LSR: variants seen among roughly 807,000 people sequenced by gnomAD.
The protein encoded by LSR is lipolysis-stimulated lipoprotein receptor.
A neutral mutation model predicts 61.8 loss-of-function variants in LSR; 44 were observed. The observed-to-expected ratio is 0.71, with a 90% CI of 0.56 to 0.91. LSR has a LOEUF of 0.91. Among genes scored for constraint, LSR ranks in the 40% least tolerant of loss-of-function variants. The pLI, the probability that LSR is intolerant of heterozygous loss-of-function variation, is 0.00. For missense variants in LSR, 911 were observed against 830.5 expected (o/e 1.10, Z -1.19); for synonymous variants, 397 against 350.6 (o/e 1.13, Z -1.48).
chr19:35,265,115 G>C (rs922452670), intron 5 of LSR, among the ~76,000 whole-genome samples: 6 of 152,286 alleles, frequency 3.9e-5, no homozygotes, highest in Admixed American at 2.0e-4. Flanking sequence ...AAATTCCACT[G>C]CTCCCTGGAG....
Position 35,250,636 on chromosome 19 carries a change from G to GTCACAGCGTTGC in LSR, c.431_432insTCACAGCGTTGC (p.Gly144_Arg145insHisSerValAla). The GTCACAGCGTTGC allele has an allele frequency of 5.1e-6, 8 of 1,574,162 alleles. No individual in the cohort carries two copies. Among genetic ancestry groups the GTCACAGCGTTGC allele is most frequent in the South Asian group, 1.2e-5 (1 of 86,454 alleles). ...GTGACCCTGGGAGATTACTACCAGG[G>GTCACAGCGTTGC]CCGGAGGATTACCATCACCGGAAGT... On this transcript the variant is annotated inframe_insertion, in exon 2 of 10. Coordinates refer to ENST00000605618, the MANE Select transcript of LSR (RefSeq NM_205834.4).
At position 35,266,821 on chromosome 19, in the gene LSR, C is replaced by T. The variant is rs547841115; in HGVS notation, c.1013-15C>T. Reference sequence around the variant, plus strand: ...ATCCATCCTCCCAAACCGACCACCACCCCCCTGTCCCTAGAAGTCCGCAGT... The same window carrying T: ...ATCCATCCTCCCAAACCGACCACCATCCCCCTGTCCCTAGAAGTCCGCAGT... On this transcript the variant is annotated splice_polypyrimidine_tract_variant and intron_variant, in intron 7 of 9. Transcript: ENST00000605618. The T allele has an allele frequency of 3.7e-6, 6 of 1,602,664 alleles. No homozygotes were observed. Among genetic ancestry groups the T allele is most frequent in the African/African-American group, 1.3e-5 (1 of 74,808 alleles).
At chr19:35,266,573 T>C in intron 6 of LSR, 41 bp downstream of exon 6, 1 of 1,600,876 alleles carries the variant, frequency 6.2e-7, no homozygotes, top group Non-Finnish European at 8.5e-7. Flanking sequence ...GGGAGTGTGC[T>C]GGGCATCTGG....
rs916760067 is a variant in LSR at position 35,258,880 on chromosome 19, T to C, written c.455-65T>C. 4 of 1,607,394 alleles carry C rather than the reference T, an allele frequency of 2.5e-6. No individual in the cohort carries two copies. In the East Asian group the frequency reaches 6.7e-5, roughly 27 times the overall value. ...CCTGGGTGTGCTGGGAAGGGGTCTT[T>C]GGCCCTCCAGGGGTTAGGTGCCCCA... On this transcript the variant is annotated intron_variant, in intron 2 of 9. Coordinates refer to ENST00000605618, the MANE Select transcript of LSR (RefSeq NM_205834.4).
chr19:35,261,779 G>C, intron 3 of LSR, 146 bp from the exon 4 acceptor site: 1 of 472,488 alleles, frequency 2.1e-6, no homozygotes, highest in Non-Finnish European at 3.7e-6. Context: ...TGGAGGGTAG[G>C]AGCCATGCAC....
intron 2 of LSR, among the ~76,000 whole-genome samples, chr19:35,255,774 G>A (rs1368749262): frequency 2.0e-5 from 3 of 152,048 alleles, no homozygotes. Flanking sequence ...TCCCTGATTC[G>A]TTTTCTCCAT....
At chr19:35,258,460 A>T (rs1001005535) in intron 2 of LSR, among the ~76,000 whole-genome samples, 104 of 151,722 alleles carry the variant, frequency 6.9e-4, no homozygotes, top group African/African-American at 2.5e-3. Flanking sequence ...TCAAACAAAA[A>T]AAAAAAAAAG....
chr19:35,267,920 G>C lies in LSR; in HGVS notation c.*61G>C, dbSNP rs1599613606. 349 of 1,558,918 alleles carry C rather than the reference G, an allele frequency of 2.2e-4. No homozygotes were observed. The highest frequency in any genetic ancestry group is 1.1e-4 in the East Asian group (5 of 44,510). The stretch of plus-strand genomic sequence containing the variant: ...TTTAATTTGAAGGAACACTGATGAA[G>C]CCCTGCCATACCCCTCCCGAGTCTA... On this transcript the variant is annotated 3_prime_UTR_variant, in exon 10 of 10. Coordinates refer to ENST00000605618, the MANE Select transcript of LSR (RefSeq NM_205834.4).
chr19:35,255,458 A>G (rs2065844685), intron 2 of LSR, among the ~76,000 whole-genome samples: 1 of 151,378 alleles, frequency 6.6e-6, no homozygotes, highest in East Asian at 2.0e-4. Context: ...TAAGAGCTCA[A>G]TAAACGGTGG....
At chr19:35,266,561 G>A in intron 6 of LSR, 29 bp downstream of exon 6, 1 of 1,599,526 alleles carries the variant, frequency 6.3e-7, no homozygotes, top group Non-Finnish European at 8.5e-7. Flanking sequence ...GGAACAGCTG[G>A]TGGGAGTGTG....
At chr19:35,264,730 G>A (rs1237478250) in intron 5 of LSR, 1 of 152,166 alleles carries the variant, frequency 6.6e-6, no homozygotes, top group Admixed American at 6.5e-5. Context: ...TCCCTCCCTA[G>A]GGCTCAGTGT....
At chr19:35,264,451 C>T (rs1029048978) in intron 5 of LSR, 2 of 152,240 alleles carry the variant, frequency 1.3e-5, no homozygotes, top group Non-Finnish European at 2.9e-5. Context: ...AGCCATCAGC[C>T]TTGGGACACC....
chr19:35,250,779 A>C, intron 2 of LSR, 120 bp downstream of exon 2: 1 of 661,384 alleles, frequency 1.5e-6, no homozygotes, highest in East Asian at 3.1e-5. Flanking sequence ...TGAAAGGACC[A>C]TTGAAGGGAG....
chr19:35,256,977 C>CCCTGG (rs2065864581), intron 2 of LSR, among the ~76,000 whole-genome samples: 1 of 152,108 alleles, frequency 6.6e-6, no homozygotes, highest in Non-Finnish European at 1.5e-5. Flanking sequence ...GCTGGGACTA[C>CCCTGG]AGGTGCGTGC....
At chr19:35,254,070 G>T (rs140438874) in intron 2 of LSR, among the ~76,000 whole-genome samples, 4 of 152,072 alleles carry the variant, frequency 2.6e-5, no homozygotes, top group African/African-American at 9.7e-5. Flanking sequence ...TGGACTCCCC[G>T]TGGTGTTCCT....
chr19:35,265,710 C>T (rs2065988307), intron 5 of LSR, among the ~76,000 whole-genome samples: 1 of 152,162 alleles, frequency 6.6e-6, no homozygotes, highest in Non-Finnish European at 1.5e-5. Context: ...GAAATGGGTG[C>T]AGTCCATGAG....
chr19:35,257,601 G>A (rs1453458982), intron 2 of LSR, among the ~76,000 whole-genome samples: 1 of 152,144 alleles, frequency 6.6e-6, no homozygotes, highest in African/African-American at 2.4e-5. Context: ...GAGCTGTCAT[G>A]CAGGAGGGCA....
chr19:35,256,912 C>T (rs976672563), intron 2 of LSR, among the ~76,000 whole-genome samples: 1 of 152,044 alleles, frequency 6.6e-6, no homozygotes, highest in Non-Finnish European at 1.5e-5. Flanking sequence ...TCTCAGCTCA[C>T]TGCAATCTCT....
At chr19:35,249,333 A>C in intron 1 of LSR, 4 of 590,130 alleles carry the variant, frequency 6.8e-6, no homozygotes, top group East Asian at 3.3e-5. Context: ...CCGCGCCCTT[A>C]TCTGGAAGAT....
Sources: allele counts gnomAD v4.1 joint callset (sites outside exome capture counted in the v4.1 genomes callset), GRCh38; gene constraint gnomAD v4.1.1; transcripts MANE v1.5; gene names NCBI Gene and HGNC (gene_info 2026-07-23, HGNC 2026-07-21).